Variants in LDLRAD4 observed in about 807,000 individuals in gnomAD.
LDLRAD4 encodes the protein low density lipoprotein receptor class A domain containing 4.
LDLRAD4 carries 5 observed loss-of-function variants against 17.0 expected under a neutral mutation model. That is an observed-to-expected ratio of 0.29 (90% CI 0.15 to 0.62). The LOEUF is 0.62. Ranked by LOEUF, LDLRAD4 falls within the 20% of genes least tolerant of loss-of-function variation. The pLI, the probability that LDLRAD4 is intolerant of heterozygous loss-of-function variation, is 0.84. For synonymous variants in LDLRAD4, 168 were observed against 171.8 expected, an observed-to-expected ratio of 0.98 and a Z score of 0.17; for missense variants, 340 against 424.7, an observed-to-expected ratio of 0.80 and a Z score of 1.75.
intron 1 of LDLRAD4, among the ~76,000 whole-genome samples, chr18:13,324,675 C>T (rs778951099): frequency 6.6e-4 from 101 of 152,066 alleles, no homozygotes; most frequent in Middle Eastern, 3.2e-3. Context: ...CAGTCCCTGT[C>T]TGCTGTAAAC....
At chr18:13,641,578 A>C (rs183800507) in intron 4 of LDLRAD4, among the ~76,000 whole-genome samples, 1 of 152,302 alleles carries the variant, frequency 6.6e-6, no homozygotes, top group African/African-American at 2.4e-5. Context: ...GCAGAACAGG[A>C]GGGAGGCCGG....
At chr18:13,513,345 G>A (rs1044687637) in intron 3 of LDLRAD4, among the ~76,000 whole-genome samples, 2 of 152,304 alleles carry the variant, frequency 1.3e-5, no homozygotes, top group African/African-American at 4.8e-5. Context: ...AGATCAGTAA[G>A]CAAGTCACAT....
intron 2 of LDLRAD4, chr18:13,419,528 GATTTA>G (rs762835922): frequency 7.9e-5 from 12 of 152,130 alleles, no homozygotes; most frequent in Non-Finnish European, 1.6e-4. Flanking sequence ...TTACGTGAAT[GATTTA>G]ATTTTATTGT....
upstream of LDLRAD4, chr18:13,278,051 G>C (rs1442996397): frequency 2.0e-5 from 3 of 152,136 alleles, no homozygotes; most frequent in African/African-American, 7.2e-5. Flanking sequence ...AACTTGAGAG[G>C]GGGACACACA....
At chr18:13,232,125 C>A (rs966205463) in intron 1 of LDLRAD4, among the ~76,000 whole-genome samples, 2 of 152,238 alleles carry the variant, frequency 1.3e-5, no homozygotes, top group Non-Finnish European at 1.5e-5. Context: ...GTGGGCCATG[C>A]AGGATGGAGT....
intron 1 of LDLRAD4, among the ~76,000 whole-genome samples, chr18:13,326,904 C>T (rs1277834475): frequency 1.3e-5 from 2 of 152,148 alleles, no homozygotes; most frequent in Non-Finnish European, 2.9e-5. Flanking sequence ...GAGTAGTTTC[C>T]TTTACATGGT....
In LDLRAD4 at chr18:13,622,475, C is replaced by T. The variant is rs1279529544; in HGVS notation, c.336+1204C>T. Reference sequence around the variant, plus strand: ...TTGACAGCCGTTTCCTCCTCTTGCCCCCTGCATCCTCTCTTGCCCCTTCTG... The same window carrying T: ...TTGACAGCCGTTTCCTCCTCTTGCCTCCTGCATCCTCTCTTGCCCCTTCTG... On this transcript the variant is annotated intron_variant, in intron 4 of 5. Coordinates refer to ENST00000359446, the Ensembl canonical transcript of LDLRAD4. The surrounding 1 kb of genome is among the most constrained non-coding windows in gnomAD (Gnocchi z 5.3). 6.6e-6 allele frequency among the ~76,000 whole-genome samples: 1 copy of T among 152,142 alleles called. No homozygotes were observed. The highest frequency in any genetic ancestry group is 1.5e-5 in the Non-Finnish European group (1 of 68,014).
At chr18:13,514,060 A>T (rs191814828) in intron 3 of LDLRAD4, among the ~76,000 whole-genome samples, 526 of 152,286 alleles carry the variant, frequency 3.5e-3, no homozygotes, top group Non-Finnish European at 5.3e-3. Context: ...GAGATTGGAG[A>T]TTATTGTTGT....
chr18:13,301,569 G>T (rs985372303), intron 1 of LDLRAD4, among the ~76,000 whole-genome samples: 1 of 152,178 alleles, frequency 6.6e-6, no homozygotes, highest in Non-Finnish European at 1.5e-5. Flanking sequence ...GAACTTGCAC[G>T]TGCAGAGACG....
chr18:13,328,737 C>T (rs1432596696), intron 1 of LDLRAD4, among the ~76,000 whole-genome samples: 2 of 152,146 alleles, frequency 1.3e-5, no homozygotes, highest in Non-Finnish European at 2.9e-5. Context: ...TTTAGTCAAG[C>T]AGCTCAAAAA....
At chr18:13,527,095 G>A (rs971846665) in intron 3 of LDLRAD4, among the ~76,000 whole-genome samples, 1 of 152,248 alleles carries the variant, frequency 6.6e-6, no homozygotes, top group Non-Finnish European at 1.5e-5. Flanking sequence ...GACTGGGCTG[G>A]AACCTCATGT....
chr18:13,413,243 C>T (rs2088547908), intron 2 of LDLRAD4, among the ~76,000 whole-genome samples: 1 of 152,172 alleles, frequency 6.6e-6, no homozygotes, highest in Non-Finnish European at 1.5e-5. Context: ...TCCCACAGAC[C>T]TATCAAGTGG....
chr18:13,273,746 C>T (rs2044696884), upstream of LDLRAD4, among the ~76,000 whole-genome samples: 1 of 152,148 alleles, frequency 6.6e-6, no homozygotes, highest in Non-Finnish European at 1.5e-5. Context: ...GTGAGAACAC[C>T]GTAAAGATGA....
At chr18:13,476,984 T>C (rs1386847344) in intron 3 of LDLRAD4, among the ~76,000 whole-genome samples, 2 of 152,252 alleles carry the variant, frequency 1.3e-5, no homozygotes, top group African/African-American at 2.4e-5. Context: ...CTTTTTGATG[T>C]CTCAAGAAAA....
At chr18:13,391,181 A>G (rs1330619914) in intron 2 of LDLRAD4, among the ~76,000 whole-genome samples, 1 of 152,246 alleles carries the variant, frequency 6.6e-6, no homozygotes, top group African/African-American at 2.4e-5. Context: ...TTTTAGGGCC[A>G]GGCAAACATC....
intron 1 of LDLRAD4, among the ~76,000 whole-genome samples, chr18:13,326,952 A>G (rs1185543364): frequency 6.6e-6 from 1 of 152,190 alleles, no homozygotes; most frequent in Non-Finnish European, 1.5e-5. Context: ...GTAAAATAGC[A>G]GGTGCTGACA....
At chr18:13,478,610 A>C (rs2093006692) in intron 3 of LDLRAD4, among the ~76,000 whole-genome samples, 1 of 152,270 alleles carries the variant, frequency 6.6e-6, no homozygotes, top group African/African-American at 2.4e-5. Flanking sequence ...GGAAAACGAC[A>C]AAACTGATTA....
intron 2 of LDLRAD4, among the ~76,000 whole-genome samples, chr18:13,388,542 A>G (rs1327770447): frequency 2.0e-5 from 3 of 152,328 alleles, no homozygotes; most frequent in East Asian, 3.9e-4. Context: ...GATGGTAGAA[A>G]TAGTCACAAG....
intron 3 of LDLRAD4, among the ~76,000 whole-genome samples, chr18:13,605,376 C>T (rs2095212811): frequency 6.6e-6 from 1 of 152,206 alleles, no homozygotes; most frequent in Admixed American, 6.5e-5. Context: ...TGCCACCACA[C>T]CTGGCTAATT....
Sources: allele counts gnomAD v4.1 joint callset (sites outside exome capture counted in the v4.1 genomes callset), GRCh38; gene constraint gnomAD v4.1.1; non-coding constraint Gnocchi (gnomAD v3.1); transcripts MANE v1.5; gene names NCBI Gene and HGNC (gene_info 2026-07-23, HGNC 2026-07-21).